The following ACVR1 variants were observed in gnomAD, a reference collection of about 807,000 sequenced individuals.
ACVR1 encodes activin A receptor type 1.
In ACVR1, 38 loss-of-function variants were observed where a neutral mutation model predicts 57.1. The observed-to-expected ratio is 0.67, with a 90% CI of 0.51 to 0.87. ACVR1 has a LOEUF of 0.87. Ranked by LOEUF, ACVR1 falls within the 40% of genes least tolerant of loss-of-function variation. The pLI is 0.00. For missense variants in ACVR1, 463 were observed against 638.2 expected (o/e 0.73, Z 2.96); for synonymous variants, 212 against 228.1 (o/e 0.93, Z 0.63).
intron 1 of ACVR1, among the ~76,000 whole-genome samples, chr2:157,858,113 C>T (rs557210765): frequency 1.3e-5 from 2 of 152,154 alleles, no homozygotes; most frequent in African/African-American, 2.4e-5. Context: ...CTCCTTTATG[C>T]TAAACTTACG....
intron 2 of ACVR1, among the ~76,000 whole-genome samples, chr2:157,807,725 C>G (rs941906141): frequency 2.6e-5 from 4 of 151,992 alleles, no homozygotes; most frequent in African/African-American, 9.7e-5. Context: ...TGTGCCTGAC[C>G]TGACGTTTCC....
At chr2:157,776,020 G>A (rs2105274757) in intron 5 of ACVR1, among the ~76,000 whole-genome samples, 1 of 152,282 alleles carries the variant, frequency 6.6e-6, no homozygotes, top group Non-Finnish European at 1.5e-5. Context: ...ACCATGCATG[G>A]CCAAGGCTTG....
intron 1 of ACVR1, among the ~76,000 whole-genome samples, chr2:157,853,693 A>G (rs1194924688): frequency 6.6e-6 from 1 of 152,182 alleles, no homozygotes; most frequent in East Asian, 1.9e-4. Flanking sequence ...GGAAGCAATA[A>G]GTAGTCTTCA....
At chr2:157,848,547 G>A (rs922011632) in intron 1 of ACVR1, among the ~76,000 whole-genome samples, 1 of 152,212 alleles carries the variant, frequency 6.6e-6, no homozygotes, top group Non-Finnish European at 1.5e-5. Context: ...AGCTGTCCTT[G>A]CTGTGCATGT....
At chr2:157,790,449 G>T (rs1240338498) in intron 3 of ACVR1, among the ~76,000 whole-genome samples, 1 of 152,150 alleles carries the variant, frequency 6.6e-6, no homozygotes, top group Non-Finnish European at 1.5e-5. Context: ...TTCTGAGCTG[G>T]GCTTATTGAC....
chr2:157,743,819 A>G (rs1462884937), intron 9 of ACVR1, among the ~76,000 whole-genome samples: 1 of 152,066 alleles, frequency 6.6e-6, no homozygotes, highest in Non-Finnish European at 1.5e-5. Flanking sequence ...CGAGTTTCAA[A>G]GTTTTGGGGA....
chr2:157,750,072 G>C (rs1685124124), intron 9 of ACVR1, among the ~76,000 whole-genome samples: 1 of 152,194 alleles, frequency 6.6e-6, no homozygotes, highest in African/African-American at 2.4e-5. Flanking sequence ...TGACAGCCTA[G>C]GGAATGACCT....
rs569655833 is a variant in ACVR1 at position 157,781,527 on chromosome 2, G to GA, written c.68-928dup. 8.6e-4 allele frequency among the ~76,000 whole-genome samples: 131 copies of GA among 152,206 alleles called. 1 individual carries two copies. Among genetic ancestry groups the GA allele is most frequent in the African/African-American group, 2.9e-3 (122 of 41,534 alleles). On this transcript the variant is annotated intron_variant, in intron 3 of 10. Coordinates refer to ENST00000434821, the MANE Select transcript of ACVR1 (RefSeq NM_001111067.4). ...CTGCTTAAGAATTTTTGGCTGGCAG[G>GA]AAAAAAATGGTGCCAAATATGGAGA...
intron 1 of ACVR1, among the ~76,000 whole-genome samples, chr2:157,852,313 C>T (rs1689342869): frequency 6.6e-6 from 1 of 151,810 alleles, no homozygotes; most frequent in Non-Finnish European, 1.5e-5. Context: ...GCCTGGGCAA[C>T]ATGGCAAAAC....
intron 4 of ACVR1, among the ~76,000 whole-genome samples, chr2:157,780,098 A>C (rs1343549553): frequency 3.9e-5 from 6 of 152,236 alleles, no homozygotes; most frequent in Admixed American, 3.3e-4. Flanking sequence ...TGGTCAGCTA[A>C]GCTGTCCCCA....
chr2:157,785,437 C>A (rs548973140), intron 3 of ACVR1, among the ~76,000 whole-genome samples: 1 of 152,286 alleles, frequency 6.6e-6, no homozygotes, highest in Non-Finnish European at 1.5e-5. Flanking sequence ...CATTTGAGAT[C>A]TCTGGCATTA....
chr2:157,788,949 C>T (rs1686812126), intron 3 of ACVR1, among the ~76,000 whole-genome samples: 1 of 152,164 alleles, frequency 6.6e-6, no homozygotes, highest in Non-Finnish European at 1.5e-5. Context: ...ATGTCTTCAA[C>T]CCCAGGAAGA....
chr2:157,766,232 G>T lies in ACVR1; in HGVS notation c.791-36C>A, dbSNP rs746162561. On this transcript the variant is annotated intron_variant, in intron 7 of 10. Transcript: ENST00000434821. ...CAAGAAAAAAATTAATATACATGAG[G>T]ATTCCACATTATAACTTAAAGTATT... 5.0e-6 allele frequency: 8 copies of T among 1,604,068 alleles called. No individual in the cohort carries two copies. The East Asian group carries it at 1.8e-4, about 36-fold the overall frequency.
At chr2:157,858,638 T>C (rs1376163627) in intron 1 of ACVR1, among the ~76,000 whole-genome samples, 2 of 151,788 alleles carry the variant, frequency 1.3e-5, no homozygotes, top group Non-Finnish European at 2.9e-5. Flanking sequence ...ACATAACCAT[T>C]ACGCCCTGCT....
intron 1 of ACVR1, among the ~76,000 whole-genome samples, chr2:157,825,010 T>G (rs1688291099): frequency 6.6e-6 from 1 of 152,266 alleles, no homozygotes; most frequent in Non-Finnish European, 1.5e-5. Context: ...TCTCTCAAAG[T>G]GCTGAGATTA....
chr2:157,829,460 G>C (rs1245134120), intron 1 of ACVR1, among the ~76,000 whole-genome samples: 1 of 152,182 alleles, frequency 6.6e-6, no homozygotes, highest in Non-Finnish European at 1.5e-5. Context: ...ATTGTTCATT[G>C]AGTAACGCTC....
intron 2 of ACVR1, among the ~76,000 whole-genome samples, chr2:157,817,806 C>G (rs1687997241): frequency 6.6e-6 from 1 of 152,062 alleles, no homozygotes; most frequent in Non-Finnish European, 1.5e-5. Flanking sequence ...CGAGACCAGC[C>G]TGGCCAATAT....
At chr2:157,757,448 A>G (rs1268003420) in intron 9 of ACVR1, among the ~76,000 whole-genome samples, 1 of 151,824 alleles carries the variant, frequency 6.6e-6, no homozygotes, top group Non-Finnish European at 1.5e-5. Flanking sequence ...AAGGCACATT[A>G]TAGTCAAACT....
At chr2:157,777,746 T>C (rs367766450) in intron 5 of ACVR1, among the ~76,000 whole-genome samples, 47 of 152,308 alleles carry the variant, frequency 3.1e-4, no homozygotes, top group African/African-American at 1.1e-3. Flanking sequence ...GAAATTAATA[T>C]TTAATATTCA....
Sources: gnomAD v4.1 joint callset for allele counts (sites outside exome capture counted in the v4.1 genomes callset) on GRCh38, gnomAD v4.1.1 for gene constraint, MANE v1.5 for transcripts, NCBI Gene and HGNC (gene_info 2026-07-23, HGNC 2026-07-21) for gene names.